The following OOSP4B variants were observed in gnomAD, a reference collection of about 807,000 sequenced individuals.
The protein encoded by OOSP4B is oocyte-secreted protein 4B.
rs1024831323 is a variant in OOSP4B, at chr11:60,023,990, C to T, written c.133C>T (p.Pro45Ser). ...CGACATACACCTGAGAGATAACTGT[C>T]CTGTAACAAGACTGTTGTCATTTAA... Residue 45 changes from proline (P) to serine (S), a missense_variant, in exon 2 of 5, where the codon CCT (proline) becomes TCT (serine). By Grantham distance (74) the Pro-to-Ser change is moderately conservative. Transcript: ENST00000642343. 88 of 398,414 alleles carry T rather than the reference C, an allele frequency of 2.2e-4. No individual in the cohort carries two copies. In the Middle Eastern group the frequency reaches 3.1e-3, roughly 14 times the overall value. 24.7% of individuals were successfully genotyped at this position (398,414 alleles called of 1,614,324 possible). A position where few individuals can be genotyped will look rare whatever the true frequency, so the allele number is the denominator to read the frequency against.
At chr11:60,026,438 T>A (rs1032073471) in intron 3 of OOSP4B, among the ~76,000 whole-genome samples, 1 of 152,234 alleles carries the variant, frequency 6.6e-6, no homozygotes, top group Non-Finnish European at 1.5e-5. Context: ...ATCAATGACC[T>A]TATAAGCTTG....
At chr11:60,026,687 G>A (rs1377058737) in intron 3 of OOSP4B, among the ~76,000 whole-genome samples, 7 of 152,182 alleles carry the variant, frequency 4.6e-5, no homozygotes, top group Admixed American at 3.9e-4. Flanking sequence ...AACTTCGCCA[G>A]TCATCTCTAA....
intron 3 of OOSP4B, among the ~76,000 whole-genome samples, chr11:60,029,147 C>A (rs1444537308): frequency 6.6e-6 from 1 of 152,150 alleles, no homozygotes; most frequent in African/African-American, 2.4e-5. Context: ...TTTTAGCCTC[C>A]CTTTACACAT....
chr11:60,025,008 A>G lies in OOSP4B; in HGVS notation c.302+3A>G, dbSNP rs567062707. 1.5e-5 allele frequency: 6 copies of G among 398,266 alleles called. No homozygotes were observed. The East Asian group carries it at 2.1e-4, about 14-fold the overall frequency. The allele number at this position is 398,266 out of a possible 1,614,324, so 24.7% of individuals were successfully genotyped here. ...CCAGTGGTTTGCTTTGTGAAGAGGT[A>G]TGAGTAGCTACTTCTCTTACACATT... On this transcript the variant is annotated splice_donor_region_variant and intron_variant, in intron 3 of 4. Coordinates refer to ENST00000642343, the Ensembl canonical transcript of OOSP4B.
rs146242328 is a variant in OOSP4B at position 60,029,765 on chromosome 11, G to T, written c.303-17G>T. 269 of 397,866 alleles carry T rather than the reference G, an allele frequency of 6.8e-4. 1 individual carries two copies. The East Asian group carries it at 8.7e-3, about 13-fold the overall frequency. 24.6% of individuals were successfully genotyped at this position (397,866 alleles called of 1,614,324 possible). On this transcript the variant is annotated splice_polypyrimidine_tract_variant and intron_variant, in intron 3 of 4. Transcript: ENST00000642343. Reference sequence around the variant, plus strand: ...GCTATTAATCCTGTGCTTTTCTTTTGTTTGCTCTGCATTTAGGCTTAAATT... The same window carrying T: ...GCTATTAATCCTGTGCTTTTCTTTTTTTTGCTCTGCATTTAGGCTTAAATT...
At chr11:60,017,206 G>A (rs2134620008) in exon 1 of OOSP4B, 1 of 395,394 alleles carries the variant, frequency 2.5e-6, no homozygotes, top group East Asian at 3.6e-5. Context: ...TGGCACAGGT[G>A]AAGTGTTGCA....
chr11:60,030,788 C>T lies in OOSP4B; in HGVS notation c.451-14C>T, dbSNP rs748335466. On this transcript the variant is annotated splice_polypyrimidine_tract_variant and intron_variant, in intron 4 of 4. Coordinates refer to ENST00000642343, the Ensembl canonical transcript of OOSP4B. ...TTAAGCAGCTCTTAACTGCTTTTCC[C>T]CCCTATCCTACAGGAGCAACTATCC... 2.5e-6 allele frequency: 1 copy of T among 397,904 alleles called. No individual in the cohort carries two copies. The highest frequency in any genetic ancestry group is 4.4e-6 in the Non-Finnish European group (1 of 225,820). 24.6% of individuals were successfully genotyped at this position (397,904 alleles called of 1,614,324 possible).
chr11:60,022,352 A>T (rs1428855919), intron 1 of OOSP4B: 1 of 152,144 alleles, frequency 6.6e-6, no homozygotes, highest in Non-Finnish European at 1.5e-5. Context: ...CCTCACCCTA[A>T]ACTTCACTTC....
At chr11:60,030,572 G>A (rs1201834514) in intron 4 of OOSP4B, among the ~76,000 whole-genome samples, 1 of 152,116 alleles carries the variant, frequency 6.6e-6, no homozygotes, top group Non-Finnish European at 1.5e-5. Context: ...GTCTCAGAAA[G>A]GCAGTCATCT....
At chr11:60,020,712 G>A (rs1209763705) in intron 1 of OOSP4B, among the ~76,000 whole-genome samples, 1 of 152,264 alleles carries the variant, frequency 6.6e-6, no homozygotes, top group Non-Finnish European at 1.5e-5. Flanking sequence ...CAGAGTGGGC[G>A]CCAAGGCCGA....
Position 60,024,076 on chromosome 11 carries a change from G to A in OOSP4B, c.204+15G>A, listed in dbSNP as rs922345947. 2 of 398,428 alleles carry A rather than the reference G, an allele frequency of 5.0e-6. No individual in the cohort carries two copies. The highest frequency in any genetic ancestry group is 8.8e-6 in the Non-Finnish European group (2 of 226,030). The allele number at this position is 398,428 out of a possible 1,614,324, so 24.7% of individuals were successfully genotyped here. ...TCAAGAAAATTGTAAGTGCCATGAT[G>A]CTTTTCCCTAAAACATATACTGAAT... On this transcript the variant is annotated intron_variant, in intron 2 of 4. Transcript: ENST00000642343.
rs1207793009 is a variant in OOSP4B at position 60,023,903 on chromosome 11, G to GAT, written c.47_48dup (p.Trp17IlefsTer4). 7.5e-6 allele frequency: 3 copies of GAT among 398,380 alleles called. No individual in the cohort carries two copies. Among genetic ancestry groups the GAT allele is most frequent in the Non-Finnish European group, 1.3e-5 (3 of 226,046 alleles). The allele number at this position is 398,380 out of a possible 1,614,324, so 24.7% of individuals were successfully genotyped here. A position where few individuals can be genotyped will look rare whatever the true frequency, so the allele number is the denominator to read the frequency against. The stretch of plus-strand genomic sequence containing the variant: ...AGCAATAACTGCAATGTGCTCTGAT[G>GAT]ATTGGTTGTTAGTCAGAATGAAAAT... On this transcript the variant is annotated frameshift_variant, in exon 2 of 5. Coordinates refer to ENST00000642343, the Ensembl canonical transcript of OOSP4B. LOFTEE classifies it high-confidence loss of function.
At chr11:60,026,647 T>G (rs778872978) in intron 3 of OOSP4B, among the ~76,000 whole-genome samples, 19 of 152,188 alleles carry the variant, frequency 1.2e-4, no homozygotes, top group Non-Finnish European at 2.2e-4. Flanking sequence ...TGACTTGAAA[T>G]CAGCTTTTAA....
rs1854737820 is a variant in OOSP4B, at chr11:60,025,350, A to G, written c.302+345A>G. Among the ~76,000 whole-genome samples, 3 of 152,228 alleles carry G rather than the reference A, an allele frequency of 2.0e-5. No individual in the cohort carries two copies. In the South Asian group the frequency reaches 6.2e-4, roughly 32 times the overall value. On this transcript the variant is annotated intron_variant, in intron 3 of 4. Coordinates refer to ENST00000642343, the Ensembl canonical transcript of OOSP4B. ...TTTACTTGAAGAAGAACTCACATGC[A>G]ATTAATATATAAATGTTACACAAGT... is the stretch of plus-strand genomic sequence containing the variant.
intron 3 of OOSP4B, 103 bp downstream of exon 3, chr11:60,025,108 T>C (rs1368684950): frequency 5.1e-6 from 2 of 394,630 alleles, no homozygotes; most frequent in Non-Finnish European, 8.9e-6. Context: ...GGGATGTGTA[T>C]GGCATAAATT....
At chr11:60,020,150 A>T (rs1854673988) in intron 1 of OOSP4B, among the ~76,000 whole-genome samples, 1 of 152,234 alleles carries the variant, frequency 6.6e-6, no homozygotes, top group Non-Finnish European at 1.5e-5. Context: ...CTAGACATAA[A>T]GATTCTCCAA....
At chr11:60,028,835 G>A (rs1221194173) in intron 3 of OOSP4B, among the ~76,000 whole-genome samples, 2 of 152,160 alleles carry the variant, frequency 1.3e-5, no homozygotes, top group South Asian at 4.1e-4. Context: ...GGGTCCAAAT[G>A]CCGGTCTTCC....
At chr11:60,030,580 T>C (rs1854797024) in intron 4 of OOSP4B, among the ~76,000 whole-genome samples, 1 of 152,206 alleles carries the variant, frequency 6.6e-6, no homozygotes, top group Non-Finnish European at 1.5e-5. Flanking sequence ...AAGGCAGTCA[T>C]CTAGCCAACA....
intron 1 of OOSP4B, 74 bp from the exon 2 acceptor site, chr11:60,023,806 T>C: frequency 5.0e-6 from 2 of 397,852 alleles, no homozygotes; most frequent in Non-Finnish European, 8.9e-6. Flanking sequence ...TATATTTGTC[T>C]GTCAGCACTG....
Sources: allele counts gnomAD v4.1 joint callset (sites outside exome capture counted in the v4.1 genomes callset), GRCh38; gene constraint gnomAD v4.1.1; transcripts MANE v1.5; gene names NCBI Gene and HGNC (gene_info 2026-07-23, HGNC 2026-07-21).